Variants in APBA1 observed in about 807,000 individuals in gnomAD.
The protein encoded by APBA1 is amyloid beta precursor protein binding family A member 1.
APBA1 carries 55 observed loss-of-function variants against 86.6 expected under a neutral mutation model. The observed-to-expected ratio is 0.64, with a 90% CI of 0.51 to 0.80. APBA1 has a LOEUF of 0.80. Among genes scored for constraint, APBA1 ranks in the 30% least tolerant of loss-of-function variants. The probability of loss-of-function intolerance (pLI) is 0.00; values close to 1 mark genes in which losing one functional copy is unlikely to be tolerated. For synonymous variants in APBA1, 511 were observed against 493.9 expected, an observed-to-expected ratio of 1.03 and a Z score of -0.46; for missense variants, 1,090 against 1,183.0, an observed-to-expected ratio of 0.92 and a Z score of 1.15.
intron 1 of APBA1, among the ~76,000 whole-genome samples, chr9:69,671,106 C>T (rs1308283063): frequency 6.6e-6 from 1 of 152,166 alleles, no homozygotes; most frequent in Non-Finnish European, 1.5e-5. Context: ...ACCATCCATC[C>T]TCTAGCCATA....
At position 69,556,926 on chromosome 9, in the gene APBA1, G is replaced by C. The variant is rs185835361; in HGVS notation, c.-69-39647C>G. ...ATGGGAGACTGCCAGATCGCTTCAGGGATCGCTGCGTTTCATCAGCCTAAA... is the reference window on the plus strand; with the variant it reads ...ATGGGAGACTGCCAGATCGCTTCAGCGATCGCTGCGTTTCATCAGCCTAAA... On this transcript the variant is annotated intron_variant, in intron 1 of 12. Transcript: ENST00000265381. Among the ~76,000 whole-genome samples, 35 of 152,194 alleles carry C rather than the reference G, an allele frequency of 2.3e-4. 1 individual carries two copies. In the East Asian group the frequency reaches 6.6e-3, roughly 29 times the overall value.
rs1342763135 is a variant in APBA1, at chr9:69,431,080, C to G, written c.*247G>C. On this transcript the variant is annotated 3_prime_UTR_variant, in exon 13 of 13. Coordinates refer to ENST00000265381, the MANE Select transcript of APBA1 (RefSeq NM_001163.4). ...CCTCCAGGATGGTCCTGGGTCAGTA[C>G]CAGGTGGGTGCTGGCTGCTCTCCAT... 4.6e-6 allele frequency: 2 copies of G among 438,774 alleles called. No individual in the cohort carries two copies. The highest frequency in any genetic ancestry group is 4.2e-5 in the African/African-American group (2 of 48,058). 27.2% of individuals were successfully genotyped at this position (438,774 alleles called of 1,614,324 possible).
chr9:69,577,995 T>C (rs1201848432), intron 1 of APBA1, among the ~76,000 whole-genome samples: 1 of 152,168 alleles, frequency 6.6e-6, no homozygotes, highest in Non-Finnish European at 1.5e-5. Context: ...CACTTTCTTC[T>C]GTACCTCTCA....
intron 10 of APBA1, among the ~76,000 whole-genome samples, chr9:69,446,036 A>G (rs1367493166): frequency 1.3e-5 from 2 of 152,236 alleles, no homozygotes; most frequent in Non-Finnish European, 2.9e-5. Flanking sequence ...TGCAAAGAGC[A>G]TGGACATACA....
At chr9:69,546,696 T>C (rs1227440525) in intron 1 of APBA1, among the ~76,000 whole-genome samples, 1 of 152,196 alleles carries the variant, frequency 6.6e-6, no homozygotes, top group Admixed American at 6.5e-5. Context: ...TCATAAACTA[T>C]GTTTCTTATA....
chr9:69,560,491 T>C (rs1588363852), intron 1 of APBA1, among the ~76,000 whole-genome samples: 2 of 152,164 alleles, frequency 1.3e-5, no homozygotes, highest in Admixed American at 1.3e-4. Context: ...GCTGGATAGG[T>C]TATTTAACTT....
At chr9:69,440,147 TTG>T (rs1834788123) in intron 11 of APBA1, among the ~76,000 whole-genome samples, 1 of 152,180 alleles carries the variant, frequency 6.6e-6, no homozygotes, top group Non-Finnish European at 1.5e-5. Context: ...TCTGGAAGTT[TTG>T]TCTCAGAGGA....
At chr9:69,645,125 T>C (rs1325882903) in intron 1 of APBA1, among the ~76,000 whole-genome samples, 3 of 152,106 alleles carry the variant, frequency 2.0e-5, no homozygotes, top group African/African-American at 7.2e-5. Context: ...AAGATGACAG[T>C]TTAAGATCGA....
intron 1 of APBA1, among the ~76,000 whole-genome samples, chr9:69,623,231 T>C (rs1380945393): frequency 1.3e-5 from 2 of 152,152 alleles, no homozygotes; most frequent in African/African-American, 4.8e-5. Flanking sequence ...TTTCATTTAC[T>C]CTGGTTTACT....
At chr9:69,597,233 T>C (rs1180409144) in intron 1 of APBA1, among the ~76,000 whole-genome samples, 1 of 152,258 alleles carries the variant, frequency 6.6e-6, no homozygotes, top group Admixed American at 6.5e-5. Context: ...TAGTATCTCA[T>C]TGTGGTTTTG....
intron 1 of APBA1, among the ~76,000 whole-genome samples, chr9:69,625,120 G>C (rs1270269439): frequency 1.3e-5 from 2 of 152,066 alleles, no homozygotes; most frequent in Non-Finnish European, 2.9e-5. Flanking sequence ...CTTTATTTGG[G>C]ACCACTTTCC....
In APBA1 at chr9:69,441,097, G is replaced by A. The variant is rs371488516; in HGVS notation, c.2200C>T (p.Arg734Ter). 1.7e-5 allele frequency: 27 copies of A among 1,613,840 alleles called. No individual in the cohort carries two copies. The highest frequency in any genetic ancestry group is 2.7e-5 in the African/African-American group (2 of 74,892). The change falls in exon 11 of 13, where the codon CGA becomes TGA. Residue 734 changes from arginine (R) to a stop codon, truncating the protein, a stop_gained. Coordinates refer to ENST00000265381, the MANE Select transcript of APBA1 (RefSeq NM_001163.4). LOFTEE classifies it high-confidence loss of function. ...SIIKGLKNQS[R>*]VKLNIVRCPP... Reference sequence around the variant, plus strand: ...CATCTCACGATATTCAGCTTGACTCGGGACTGATTCTTTAAGCCCTTAAAC... The same window carrying A: ...CATCTCACGATATTCAGCTTGACTCAGGACTGATTCTTTAAGCCCTTAAAC...
chr9:69,624,624 T>C (rs575836733), intron 1 of APBA1, among the ~76,000 whole-genome samples: 1 of 152,150 alleles, frequency 6.6e-6, no homozygotes, highest in Non-Finnish European at 1.5e-5. Context: ...TTTGAAGACA[T>C]TCAAATATGT....
In APBA1 at chr9:69,440,729, C is replaced by T. The variant is rs146604655; in HGVS notation, c.2301+267G>A. 2.4e-3 allele frequency among the ~76,000 whole-genome samples: 366 copies of T among 152,302 alleles called. 2 individuals carry two copies. Among genetic ancestry groups the T allele is most frequent in the African/African-American group, 8.2e-3 (341 of 41,568 alleles). On this transcript the variant is annotated intron_variant, in intron 11 of 12. Coordinates refer to ENST00000265381, the MANE Select transcript of APBA1 (RefSeq NM_001163.4). ...GGGAATTCCCTGACCCCTTGCGCTT[C>T]CCGGGTGAGGCGATGCCTTGTCCTG...
chr9:69,563,563 T>C (rs1404998291), intron 1 of APBA1, among the ~76,000 whole-genome samples: 1 of 152,190 alleles, frequency 6.6e-6, no homozygotes, highest in Non-Finnish European at 1.5e-5. Context: ...ACAACCCATA[T>C]ATTAATCTTT....
intron 3 of APBA1, among the ~76,000 whole-genome samples, chr9:69,472,876 T>C (rs556467322): frequency 6.6e-6 from 1 of 152,308 alleles, no homozygotes; most frequent in East Asian, 1.9e-4. Flanking sequence ...TGGTTAATAC[T>C]TGGACAACAG....
At chr9:69,560,972 C>A (rs1836938092) in intron 1 of APBA1, among the ~76,000 whole-genome samples, 1 of 152,118 alleles carries the variant, frequency 6.6e-6, no homozygotes, top group African/African-American at 2.4e-5. Flanking sequence ...GCCACACAGA[C>A]ACAGAAAAAT....
chr9:69,456,165 T>G, intron 8 of APBA1, 82 bp downstream of exon 8: 1 of 1,398,220 alleles, frequency 7.2e-7, no homozygotes, highest in Non-Finnish European at 1.0e-6. Flanking sequence ...ACATGCATCA[T>G]GTGTGATGAA....
At chr9:69,583,213 G>T (rs113500574) in intron 1 of APBA1, among the ~76,000 whole-genome samples, 5 of 152,328 alleles carry the variant, frequency 3.3e-5, no homozygotes, top group African/African-American at 1.2e-4. Context: ...ACTGCATGCT[G>T]CTTGCAAGCA....
Sources: allele counts gnomAD v4.1 joint callset (sites outside exome capture counted in the v4.1 genomes callset), GRCh38; gene constraint gnomAD v4.1.1; transcripts MANE v1.5; gene names NCBI Gene and HGNC (gene_info 2026-07-23, HGNC 2026-07-21).